SMOC2: variants seen among roughly 807,000 people sequenced by gnomAD.
SMOC2 encodes the protein SPARC-related modular calcium-binding protein 2.
Under a neutral mutation model 61.4 loss-of-function variants are expected in SMOC2, and 39 were observed. The observed-to-expected ratio is 0.64, with a 90% CI of 0.49 to 0.83. SMOC2 has a LOEUF of 0.83. Among genes scored for constraint, SMOC2 ranks in the 40% least tolerant of loss-of-function variants. The pLI is 0.00. For synonymous variants in SMOC2, 247 were observed against 239.9 expected, an observed-to-expected ratio of 1.03 and a Z score of -0.27; for missense variants, 556 against 592.9, an observed-to-expected ratio of 0.94 and a Z score of 0.65.
At chr6:168,491,899 C>T (rs150685101) in intron 1 of SMOC2, among the ~76,000 whole-genome samples, 96 of 152,266 alleles carry the variant, frequency 6.3e-4, no homozygotes, top group African/African-American at 1.7e-3. Flanking sequence ...GTGCAGGTAT[C>T]GCTAACTACA....
intron 8 of SMOC2, among the ~76,000 whole-genome samples, chr6:168,599,284 C>T (rs545951008): frequency 8.1e-5 from 9 of 111,080 alleles, no homozygotes; most frequent in Non-Finnish European, 1.3e-4. Flanking sequence ...TCTCACACAC[C>T]CACACACACA....
At chr6:168,630,317 TGTTA>T (rs1562393231) in intron 9 of SMOC2, among the ~76,000 whole-genome samples, 2 of 152,224 alleles carry the variant, frequency 1.3e-5, no homozygotes, top group Non-Finnish European at 2.9e-5. Context: ...TATGGACATT[TGTTA>T]GTTCCCCAAA....
intron 8 of SMOC2, among the ~76,000 whole-genome samples, chr6:168,603,453 G>A (rs73789145): frequency 0.051 from 7,788 of 151,930 alleles, 346 homozygotes; most frequent in Admixed American, 0.1. Context: ...GGACAGTTTA[G>A]CAGAGGAGTG....
chr6:168,491,039 G>A (rs1235583651), intron 1 of SMOC2, among the ~76,000 whole-genome samples: 2 of 151,508 alleles, frequency 1.3e-5, no homozygotes, highest in Non-Finnish European at 2.9e-5. Flanking sequence ...GTGCAAGGGG[G>A]CAGCGGGGGC....
At chr6:168,506,151 G>T (rs886656249) in intron 1 of SMOC2, among the ~76,000 whole-genome samples, 1 of 152,022 alleles carries the variant, frequency 6.6e-6, no homozygotes, top group Non-Finnish European at 1.5e-5. Context: ...GGGTCCACAG[G>T]TGCACATTTA....
intron 9 of SMOC2, among the ~76,000 whole-genome samples, chr6:168,642,842 C>T (rs557524648): frequency 6.6e-6 from 1 of 152,276 alleles, no homozygotes; most frequent in Admixed American, 6.5e-5. Context: ...GTTGGAAAGC[C>T]AAGTGTTACA....
intron 9 of SMOC2, among the ~76,000 whole-genome samples, chr6:168,640,171 CTTGGTG>C (rs60395429): frequency 0.68 from 101,575 of 150,164 alleles, 34,708 homozygotes; most frequent in African/African-American, 0.74. Flanking sequence ...AGCACACGGT[CTTGGTG>C]TTGGTGTTGG....
chr6:168,646,513 AC>A (rs1462271737), intron 9 of SMOC2, among the ~76,000 whole-genome samples: 1 of 152,244 alleles, frequency 6.6e-6, no homozygotes, highest in Admixed American at 6.5e-5. Context: ...AAAAGAAGAA[AC>A]TACATAAACT....
intron 7 of SMOC2, among the ~76,000 whole-genome samples, chr6:168,574,659 G>A (rs1350042714): frequency 2.0e-5 from 3 of 152,118 alleles, no homozygotes; most frequent in Admixed American, 6.5e-5. Flanking sequence ...TTCCTGTGCC[G>A]TGTGTGTAGG....
chr6:168,531,317 T>A (rs1255966733), intron 4 of SMOC2, among the ~76,000 whole-genome samples: 1 of 152,238 alleles, frequency 6.6e-6, no homozygotes, highest in Non-Finnish European at 1.5e-5. Context: ...TGTACATTTA[T>A]CTTTTGTGCA....
intron 9 of SMOC2, among the ~76,000 whole-genome samples, chr6:168,644,644 CTTTTTTTTTTT>C (rs34203137): frequency 3.0e-5 from 3 of 99,490 alleles, no homozygotes; most frequent in Middle Eastern, 0.014. Context: ...GAATGCCTTT[CTTTTTTTTTTT>C]TTTTTTTTTT....
Position 168,598,682 on chromosome 6 carries a change from C to T in SMOC2, c.638-136C>T, listed in dbSNP as rs1280416847. The T allele has an allele frequency of 1.2e-5, 12 of 975,484 alleles. 1 individual carries two copies. The highest frequency in any genetic ancestry group is 4.8e-5 in the East Asian group (2 of 41,686). The allele number at this position is 975,484 out of a possible 1,614,324, so 60.4% of individuals were successfully genotyped here. On this transcript the variant is annotated intron_variant, in intron 7 of 12. Coordinates refer to ENST00000356284, the MANE Select transcript of SMOC2 (RefSeq NM_001166412.2). ...TCTGCCTCTCCTGCTGTGCCCCCCA[C>T]GCTGGCAGGCCCTCCTGCTCCGGGG...
At chr6:168,451,245 A>T (rs929423363) in intron 1 of SMOC2, among the ~76,000 whole-genome samples, 2 of 152,186 alleles carry the variant, frequency 1.3e-5, no homozygotes, top group Non-Finnish European at 2.9e-5. Context: ...TCCCGAGTAC[A>T]TGTAACTGGA....
chr6:168,605,377 G>A (rs1168959774), intron 8 of SMOC2, among the ~76,000 whole-genome samples: 1 of 152,150 alleles, frequency 6.6e-6, no homozygotes, highest in Non-Finnish European at 1.5e-5. Context: ...GATGGGCAAT[G>A]AGAGAAGAGA....
At chr6:168,469,691 C>T (rs1781927412) in intron 1 of SMOC2, among the ~76,000 whole-genome samples, 1 of 152,162 alleles carries the variant, frequency 6.6e-6, no homozygotes, top group African/African-American at 2.4e-5. Context: ...GACCACATGG[C>T]CAGCAGAGCT....
chr6:168,513,420 G>A (rs1783054556), intron 2 of SMOC2, among the ~76,000 whole-genome samples: 2 of 151,676 alleles, frequency 1.3e-5, no homozygotes, highest in Admixed American at 1.3e-4. Context: ...TGAAAACTTG[G>A]ATGAAATATC....
chr6:168,629,345 C>A (rs1786505037), intron 9 of SMOC2, among the ~76,000 whole-genome samples: 1 of 152,234 alleles, frequency 6.6e-6, no homozygotes, highest in Non-Finnish European at 1.5e-5. Flanking sequence ...GGCGGTCCCC[C>A]AGAAACCCCA....
chr6:168,592,703 C>T (rs1333009420), intron 7 of SMOC2, among the ~76,000 whole-genome samples: 2 of 52,864 alleles, frequency 3.8e-5, no homozygotes, highest in African/African-American at 6.4e-5. Flanking sequence ...AGAGGATGGC[C>T]GAGCTCCTCC....
intron 7 of SMOC2, among the ~76,000 whole-genome samples, chr6:168,586,567 A>G (rs1391683462): frequency 6.6e-6 from 1 of 152,206 alleles, no homozygotes; most frequent in Admixed American, 6.5e-5. Flanking sequence ...TCCACCAATC[A>G]AACTGGGGGG....
Sources: allele counts gnomAD v4.1 joint callset (sites outside exome capture counted in the v4.1 genomes callset), GRCh38; gene constraint gnomAD v4.1.1; transcripts MANE v1.5; gene names NCBI Gene and HGNC (gene_info 2026-07-23, HGNC 2026-07-21).